The following IL1RAPL2 variants were observed in gnomAD, a reference collection of about 807,000 sequenced individuals.
The protein encoded by IL1RAPL2 is interleukin 1 receptor accessory protein like 2, also known as X-linked interleukin-1 receptor accessory protein-like 2.
A neutral mutation model predicts 44.1 loss-of-function variants in IL1RAPL2; 3 were observed. The ratio of observed to expected loss-of-function variants is 0.07; its 90% CI spans 0.03 to 0.18. The LOEUF (loss-of-function observed/expected upper bound fraction) is 0.18. IL1RAPL2 is among the 10% of genes least tolerant of loss of function. The pLI is 1.00. For synonymous variants in IL1RAPL2, 181 were observed against 178.8 expected (o/e 1.01, Z -0.10); for missense variants, 391 against 496.4 (o/e 0.79, Z 2.02).
chrX:105,043,436 G>C (rs1007336489), intron 2 of IL1RAPL2, among the ~76,000 whole-genome samples: 44 of 108,339 alleles, frequency 4.1e-4, no homozygotes, highest in Non-Finnish European at 5.3e-4. Context: ...ATTTAGACTT[G>C]GGAGGCAGCC....
At chrX:104,913,781 T>C (rs1281443728) in intron 2 of IL1RAPL2, among the ~76,000 whole-genome samples, 1 of 112,179 alleles carries the variant, frequency 8.9e-6, no homozygotes, top group Non-Finnish European at 1.9e-5. Context: ...TAGAGCCTTC[T>C]ATTTGCAACA....
intron 2 of IL1RAPL2, among the ~76,000 whole-genome samples, chrX:104,839,144 C>T (rs778246955): frequency 1.4e-4 from 15 of 110,118 alleles, no homozygotes; most frequent in Non-Finnish European, 1.9e-4. Context: ...CCACTGTGCC[C>T]GGCCCTCTTG....
intron 3 of IL1RAPL2, chrX:105,219,699 G>A (rs782369813): frequency 1.1e-5 from 13 of 1,207,188 alleles, no homozygotes; most frequent in South Asian, 1.8e-5. Flanking sequence ...AAACCCCTCC[G>A]GCAGTGGCCA....
At chrX:105,511,012 C>T (rs1386422654) in intron 6 of IL1RAPL2, among the ~76,000 whole-genome samples, 1 of 111,376 alleles carries the variant, frequency 9.0e-6, no homozygotes, top group Non-Finnish European at 1.9e-5. Context: ...TATAGAGAGT[C>T]CATTTAGTGG....
chrX:105,134,688 A>G (rs1483469312), intron 2 of IL1RAPL2, among the ~76,000 whole-genome samples: 1 of 111,511 alleles, frequency 9.0e-6, no homozygotes, highest in Admixed American at 9.5e-5. Flanking sequence ...AGGACTATAT[A>G]CAGTTTACAA....
At chrX:105,042,778 C>T (rs1425178798) in intron 2 of IL1RAPL2, among the ~76,000 whole-genome samples, 17 of 107,917 alleles carry the variant, frequency 1.6e-4, no homozygotes, top group South Asian at 4.2e-4. Context: ...CACACACACA[C>T]GTATGTTTAT....
At chrX:105,462,992 A>T (rs748203306) in intron 5 of IL1RAPL2, among the ~76,000 whole-genome samples, 1 of 110,912 alleles carries the variant, frequency 9.0e-6, no homozygotes, top group East Asian at 2.8e-4. Context: ...ATATCATGAA[A>T]CCCCTACCAT....
chrX:104,682,480 T>C (rs1321899614), intron 2 of IL1RAPL2, among the ~76,000 whole-genome samples: 1 of 112,352 alleles, frequency 8.9e-6, no homozygotes, highest in East Asian at 2.8e-4. Flanking sequence ...TAATGGAATA[T>C]TAGCTTTTGA....
intron 6 of IL1RAPL2, among the ~76,000 whole-genome samples, chrX:105,615,614 G>C (rs2037370007): frequency 8.9e-6 from 1 of 111,967 alleles, no homozygotes; most frequent in South Asian, 3.7e-4. Context: ...TCACTTATTT[G>C]TGGGAGCTAA....
intron 6 of IL1RAPL2, among the ~76,000 whole-genome samples, chrX:105,639,483 GGTAA>G (rs1300772693): frequency 1.8e-5 from 2 of 110,876 alleles, no homozygotes; most frequent in South Asian, 7.7e-4. Context: ...ATTCTAAAAG[GGTAA>G]GTAATAGATG....
chrX:104,884,933 G>A (rs776957487), intron 2 of IL1RAPL2, among the ~76,000 whole-genome samples: 15 of 111,052 alleles, frequency 1.4e-4, no homozygotes, highest in South Asian at 3.9e-4. Context: ...CCAGGCTATC[G>A]GTTATGTCCC....
chrX:105,097,198 G>A (rs933822947), intron 2 of IL1RAPL2, among the ~76,000 whole-genome samples: 1 of 108,947 alleles, frequency 9.2e-6, no homozygotes, highest in African/African-American at 3.4e-5. Flanking sequence ...CGTGGTGACT[G>A]GCGCCTGTAG....
At chrX:105,042,997 A>T (rs1445313193) in intron 2 of IL1RAPL2, among the ~76,000 whole-genome samples, 1 of 101,449 alleles carries the variant, frequency 9.9e-6, no homozygotes. Context: ...CAAACACCGC[A>T]TATTCTCACT....
At chrX:105,674,176 G>T in intron 6 of IL1RAPL2, among the ~76,000 whole-genome samples, 1 of 111,916 alleles carries the variant, frequency 8.9e-6, no homozygotes. Flanking sequence ...AGTTTAATTA[G>T]ATCCCATTTA....
intron 2 of IL1RAPL2, among the ~76,000 whole-genome samples, chrX:104,674,829 A>G (rs1170432267): frequency 1.3e-4 from 14 of 111,119 alleles, no homozygotes; most frequent in Non-Finnish European, 2.5e-4. Flanking sequence ...GTTTTGGGAG[A>G]GTGTATGTGT....
chrX:104,716,536 G>A (rs1382021058), intron 2 of IL1RAPL2, among the ~76,000 whole-genome samples: 1 of 110,803 alleles, frequency 9.0e-6, no homozygotes, highest in Non-Finnish European at 1.9e-5. Context: ...TCTGACTAAG[G>A]CCTAATATCT....
At chrX:105,596,319 C>A (rs1232068550) in intron 6 of IL1RAPL2, among the ~76,000 whole-genome samples, 1 of 109,442 alleles carries the variant, frequency 9.1e-6, no homozygotes, top group South Asian at 3.9e-4. Flanking sequence ...CTGCTGTATC[C>A]CAAACATGTT....
At chrX:104,660,922 G>T (rs953961150) in intron 2 of IL1RAPL2, among the ~76,000 whole-genome samples, 1 of 92,231 alleles carries the variant, frequency 1.1e-5, no homozygotes, top group African/African-American at 4.5e-5. Context: ...GACAGAACCA[G>T]ACCCTGTCTA....
intron 6 of IL1RAPL2, among the ~76,000 whole-genome samples, chrX:105,632,140 A>G (rs1036663548): frequency 1.8e-5 from 2 of 110,998 alleles, no homozygotes; most frequent in Admixed American, 9.6e-5. Flanking sequence ...AAAAAACTAA[A>G]GAAGACACCG....
Sources: gnomAD v4.1 joint callset for allele counts (sites outside exome capture counted in the v4.1 genomes callset) on GRCh38, gnomAD v4.1.1 for gene constraint, MANE v1.5 for transcripts, NCBI Gene and HGNC (gene_info 2026-07-23, HGNC 2026-07-21) for gene names.